The following ZC3H7A variants were observed in gnomAD, a reference collection of about 807,000 sequenced individuals.
The protein encoded by ZC3H7A is zinc finger CCCH domain-containing protein 7A.
Under a neutral mutation model 125.5 loss-of-function variants are expected in ZC3H7A, and 44 were observed. The observed-to-expected ratio is 0.35, with a 90% CI of 0.28 to 0.45. The LOEUF (loss-of-function observed/expected upper bound fraction) is 0.45. Ranked by LOEUF, ZC3H7A falls within the 20% of genes least tolerant of loss-of-function variation. ZC3H7A has a pLI of 1.00. For synonymous variants in ZC3H7A, 399 were observed against 391.2 expected (o/e 1.02, Z -0.23); for missense variants, 977 against 1,170.7 (o/e 0.83, Z 2.41).
At position 11,782,300 on chromosome 16, in the gene ZC3H7A, G is replaced by C. The variant is rs1389384144; in HGVS notation, c.55C>G (p.Leu19Val). 1 of 1,614,212 alleles carries C rather than the reference G, an allele frequency of 6.2e-7. No individual in the cohort carries two copies. Among genetic ancestry groups the C allele is most frequent in the South Asian group, 1.1e-5 (1 of 91,086 alleles). Residue 19 changes from leucine to valine, a missense_variant, in exon 2 of 23, where the codon CTG (leucine) becomes GTG (valine). Leu to Val is a conservative substitution (Grantham distance 32). Coordinates refer to ENST00000355758, the MANE Select transcript of ZC3H7A (RefSeq NM_014153.4). Reference protein sequence around the residue: ...RKRQQNIKEGLQFIQSPLSYP... With the variant: ...RKRQQNIKEGVQFIQSPLSYP... ...TGAAGCTCTTACTGTATAAACTGCA[G>C]TCCTTCCTTAATGTTCTGCTGCCTT...
chr16:11,760,514 T>C (rs1426862339), intron 19 of ZC3H7A, among the ~76,000 whole-genome samples: 2 of 152,190 alleles, frequency 1.3e-5, no homozygotes, highest in Admixed American at 6.5e-5. Context: ...CAAGGTACTG[T>C]AGGTGGTGAA....
rs2052793018 is a variant in ZC3H7A, at chr16:11,763,673, A to G, written c.1821-14T>C. The stretch of plus-strand genomic sequence containing the variant: ...TGGACAAGGCACCTAAGATGAAAAC[A>G]GTGACATTTTAATATTGTTCTGCCA... On this transcript the variant is annotated splice_polypyrimidine_tract_variant and intron_variant, in intron 15 of 22. Coordinates refer to ENST00000355758, the MANE Select transcript of ZC3H7A (RefSeq NM_014153.4). The G allele has an allele frequency of 6.8e-7, 1 of 1,475,448 alleles. No homozygotes were observed. Among genetic ancestry groups the G allele is most frequent in the Non-Finnish European group, 9.1e-7 (1 of 1,104,366 alleles). 91.4% of individuals were successfully genotyped at this position (1,475,448 alleles called of 1,614,324 possible). A position where few individuals can be genotyped will look rare whatever the true frequency, so the allele number is the denominator to read the frequency against.
chr16:11,767,603 C>T (rs760606928), intron 12 of ZC3H7A, 25 bp from the exon 13 acceptor site: 6 of 1,502,470 alleles, frequency 4.0e-6, no homozygotes, highest in Non-Finnish European at 5.3e-6. Flanking sequence ...AAGAGGATTG[C>T]TTATATGCAC....
At chr16:11,771,706 G>T (rs541977480) in intron 9 of ZC3H7A, among the ~76,000 whole-genome samples, 19 of 152,030 alleles carry the variant, frequency 1.2e-4, no homozygotes, top group Non-Finnish European at 2.4e-4. Context: ...TTGCCATGTT[G>T]GCCAGGCTGG....
chr16:11,778,465 G>A (rs1285633633), intron 4 of ZC3H7A, among the ~76,000 whole-genome samples: 15 of 144,696 alleles, frequency 1.0e-4, no homozygotes, highest in Admixed American at 4.2e-4. Flanking sequence ...AAAAACACTC[G>A]TAAGAGTGTT....
At chr16:11,796,873 G>A (rs2053447445) in intron 1 of ZC3H7A, 2 of 151,428 alleles carry the variant, frequency 1.3e-5, no homozygotes, top group East Asian at 2.0e-4. Flanking sequence ...GCAGGCAGAA[G>A]TGGGTCACGT....
At chr16:11,783,283 A>C (rs754747600) in intron 1 of ZC3H7A, among the ~76,000 whole-genome samples, 1 of 152,186 alleles carries the variant, frequency 6.6e-6, no homozygotes, top group African/African-American at 2.4e-5. Flanking sequence ...TGGATATTAA[A>C]ATGTTATCCT....
chr16:11,765,440 G>C lies in ZC3H7A; in HGVS notation c.1719+49C>G, dbSNP rs1393726440. 2 of 1,472,498 alleles carry C rather than the reference G, an allele frequency of 1.4e-6. No homozygotes were observed. Among genetic ancestry groups the C allele is most frequent in the African/African-American group, 2.8e-5 (2 of 71,378 alleles). The allele number at this position is 1,472,498 out of a possible 1,614,324, so 91.2% of individuals were successfully genotyped here. On this transcript the variant is annotated intron_variant, in intron 14 of 22. Coordinates refer to ENST00000355758, the MANE Select transcript of ZC3H7A (RefSeq NM_014153.4). The surrounding 1 kb of genome is among the most constrained non-coding windows in gnomAD (Gnocchi z 4.8). Reference sequence around the variant, plus strand: ...ATCACATGGCAGGACAATACCACTGGGCTTGCAAATTCAACTTTACAGTGG... The same window carrying C: ...ATCACATGGCAGGACAATACCACTGCGCTTGCAAATTCAACTTTACAGTGG...
chr16:11,763,122 T>G (rs915921086), intron 16 of ZC3H7A: 10 of 249,766 alleles, frequency 4.0e-5, no homozygotes, highest in African/African-American at 2.3e-4. Context: ...TGTTTTTTTT[T>G]TTTTTGAGAC....
In ZC3H7A at chr16:11,765,721, T is replaced by A; in HGVS notation, c.1523-36A>T. The A allele has an allele frequency of 6.3e-7, 1 of 1,591,926 alleles. No homozygotes were observed. The highest frequency in any genetic ancestry group is 1.3e-5 in the African/African-American group (1 of 74,408). On this transcript the variant is annotated intron_variant, in intron 13 of 22. Coordinates refer to ENST00000355758, the MANE Select transcript of ZC3H7A (RefSeq NM_014153.4). The surrounding 1 kb of genome is among the most constrained non-coding windows in gnomAD (Gnocchi z 4.8). ...AGGGAATGGACAGACATTGAAAACA[T>A]GGCAATTGGCCTGTACTCCCAGCTA...
intron 12 of ZC3H7A, 78 bp downstream of exon 12, chr16:11,768,237 G>A (rs556683434): frequency 1.6e-6 from 2 of 1,280,850 alleles, no homozygotes; most frequent in Admixed American, 5.6e-5. Context: ...TTGTTAACAT[G>A]TATTTACAAA....
intron 13 of ZC3H7A, among the ~76,000 whole-genome samples, chr16:11,767,002 A>G (rs184076299): frequency 1.3e-5 from 2 of 151,480 alleles, no homozygotes; most frequent in Non-Finnish European, 1.5e-5. Flanking sequence ...TTATAATAAC[A>G]TAATGTAATA....
At chr16:11,755,431 T>C (rs1223412545) in intron 21 of ZC3H7A, among the ~76,000 whole-genome samples, 1 of 152,182 alleles carries the variant, frequency 6.6e-6, no homozygotes, top group African/African-American at 2.4e-5. Context: ...TTCACTTTTT[T>C]GAAATTTTTA....
rs1452444576 is a variant in ZC3H7A at position 11,752,649 on chromosome 16, A to T, written c.2726+20T>A. On this transcript the variant is annotated intron_variant, in intron 22 of 22. Transcript: ENST00000355758. ...GAGGTCAGCAATTCTGACATGGAAAAATTGTAGAAACCTACATACCTATCA... is the reference window on the plus strand; with the variant it reads ...GAGGTCAGCAATTCTGACATGGAAATATTGTAGAAACCTACATACCTATCA... 2 of 1,589,080 alleles carry T rather than the reference A, an allele frequency of 1.3e-6. No individual in the cohort carries two copies. Among genetic ancestry groups the T allele is most frequent in the Non-Finnish European group, 1.7e-6 (2 of 1,168,504 alleles).
chr16:11,779,676 G>T (rs1309197775), intron 3 of ZC3H7A, among the ~76,000 whole-genome samples: 1 of 152,184 alleles, frequency 6.6e-6, no homozygotes, highest in Non-Finnish European at 1.5e-5. Flanking sequence ...CAAAGAGAAT[G>T]AATAGTTTAA....
chr16:11,771,005 A>G lies in ZC3H7A; in HGVS notation c.904-18T>C, dbSNP rs1486866486. The stretch of plus-strand genomic sequence containing the variant: ...GCTGACGGCTGCGGAAGAAAAAAAG[A>G]TGTGATTAAAATTCATGAAGCTGTC... On this transcript the variant is annotated intron_variant, in intron 9 of 22. Coordinates refer to ENST00000355758, the MANE Select transcript of ZC3H7A (RefSeq NM_014153.4). 6.3e-7 allele frequency: 1 copy of G among 1,583,676 alleles called. No individual in the cohort carries two copies.
intron 21 of ZC3H7A, 68 bp downstream of exon 21, chr16:11,756,169 A>AG: frequency 6.4e-7 from 1 of 1,553,692 alleles, no homozygotes; most frequent in Non-Finnish European, 8.7e-7. Context: ...CTCAAAAAAA[A>AG]GAAAAGGGAA....
chr16:11,757,158 A>G (rs894687878), intron 20 of ZC3H7A, among the ~76,000 whole-genome samples: 1 of 152,152 alleles, frequency 6.6e-6, no homozygotes, highest in Admixed American at 6.6e-5. Flanking sequence ...ATCTCCAGAC[A>G]TTGCCAAATG....
intron 15 of ZC3H7A, among the ~76,000 whole-genome samples, chr16:11,764,033 A>C (rs1359149964): frequency 6.6e-6 from 1 of 151,614 alleles, no homozygotes; most frequent in Non-Finnish European, 1.5e-5. Flanking sequence ...TGACCTCGTG[A>C]TCCGCCTGCC....
Sources: gnomAD v4.1 joint callset for allele counts (sites outside exome capture counted in the v4.1 genomes callset) on GRCh38, gnomAD v4.1.1 for gene constraint, Gnocchi (gnomAD v3.1) non-coding constraint, MANE v1.5 for transcripts, NCBI Gene and HGNC (gene_info 2026-07-23, HGNC 2026-07-21) for gene names.